The following PDZRN3 variants were observed in gnomAD, a reference collection of about 807,000 sequenced individuals.
PDZRN3 encodes PDZ domain containing ring finger 3.
In PDZRN3, 38 loss-of-function variants were observed where a neutral mutation model predicts 85.7. That is an observed-to-expected ratio of 0.44 (90% CI 0.34 to 0.58). The LOEUF is 0.58. Ranked by LOEUF, PDZRN3 falls within the 20% of genes least tolerant of loss-of-function variation. The pLI is 0.01. For synonymous variants in PDZRN3, 759 were observed against 638.0 expected, an observed-to-expected ratio of 1.19 and a Z score of -2.86; for missense variants, 1,629 against 1,506.4, an observed-to-expected ratio of 1.08 and a Z score of -1.35.
At chr3:73,600,621 G>A (rs1038578729) in intron 3 of PDZRN3, among the ~76,000 whole-genome samples, 5 of 152,040 alleles carry the variant, frequency 3.3e-5, no homozygotes, top group Middle Eastern at 3.4e-3. Context: ...ACCAGAAACC[G>A]TACTCAACAT....
chr3:73,593,028 A>C (rs375818026), intron 3 of PDZRN3, among the ~76,000 whole-genome samples: 1 of 152,026 alleles, frequency 6.6e-6, no homozygotes, highest in East Asian at 1.9e-4. Flanking sequence ...ACACCTTCCA[A>C]ATTGAATAAA....
intron 3 of PDZRN3, among the ~76,000 whole-genome samples, chr3:73,440,519 A>G (rs900857542): frequency 3.3e-5 from 5 of 152,106 alleles, no homozygotes; most frequent in Non-Finnish European, 5.9e-5. Context: ...GGCCTCACGG[A>G]CGCCCCGTGA....
chr3:73,435,486 T>C (rs916551929), intron 3 of PDZRN3, among the ~76,000 whole-genome samples: 3 of 152,320 alleles, frequency 2.0e-5, no homozygotes, highest in Middle Eastern at 3.4e-3. Flanking sequence ...CTCTAAATAA[T>C]AGGTATGATG....
intron 3 of PDZRN3, among the ~76,000 whole-genome samples, chr3:73,437,481 A>AC (rs1241610067): frequency 6.6e-6 from 1 of 152,148 alleles, no homozygotes; most frequent in Non-Finnish European, 1.5e-5. Flanking sequence ...AGTGTGCTGG[A>AC]CCCCCAGGGG....
At chr3:73,500,237 C>A (rs1703951724) in intron 3 of PDZRN3, among the ~76,000 whole-genome samples, 1 of 152,148 alleles carries the variant, frequency 6.6e-6, no homozygotes, top group Non-Finnish European at 1.5e-5. Context: ...TTTGTACAGA[C>A]TGGGTCTCAC....
At chr3:73,573,685 G>A (rs1345834442) in intron 3 of PDZRN3, among the ~76,000 whole-genome samples, 1 of 152,154 alleles carries the variant, frequency 6.6e-6, no homozygotes, top group Non-Finnish European at 1.5e-5. Context: ...GAGCGTCAGA[G>A]ATGGTTTTCA....
intron 3 of PDZRN3, among the ~76,000 whole-genome samples, chr3:73,478,642 G>A (rs770936400): frequency 2.0e-5 from 3 of 152,040 alleles, no homozygotes; most frequent in South Asian, 2.1e-4. Flanking sequence ...CTTCTGCCCC[G>A]CCCAGTCCGT....
At chr3:73,457,372 C>T (rs925945164) in intron 3 of PDZRN3, among the ~76,000 whole-genome samples, 8 of 152,022 alleles carry the variant, frequency 5.3e-5, no homozygotes, top group Admixed American at 1.3e-4. Flanking sequence ...CGTGCCCGGC[C>T]GTACCTTAGC....
intron 3 of PDZRN3, among the ~76,000 whole-genome samples, chr3:73,518,600 T>A (rs545522924): frequency 3.3e-5 from 5 of 152,290 alleles, no homozygotes; most frequent in African/African-American, 1.2e-4. Context: ...TGCTATAACA[T>A]AATACCATAG....
chr3:73,612,170 A>C (rs182541562), intron 1 of PDZRN3, among the ~76,000 whole-genome samples: 1 of 152,310 alleles, frequency 6.6e-6, no homozygotes, highest in East Asian at 1.9e-4. Flanking sequence ...TAAGCCAACA[A>C]ACACACTTGC....
intron 3 of PDZRN3, among the ~76,000 whole-genome samples, chr3:73,521,259 G>C (rs1470745309): frequency 6.6e-6 from 1 of 152,128 alleles, no homozygotes; most frequent in African/African-American, 2.4e-5. Context: ...TTCACGCTCT[G>C]GACATCTTTA....
At chr3:73,586,331 G>A (rs1410874958) in intron 3 of PDZRN3, among the ~76,000 whole-genome samples, 2 of 152,168 alleles carry the variant, frequency 1.3e-5, no homozygotes, top group African/African-American at 4.8e-5. Flanking sequence ...AGTATCAAAT[G>A]TCCCCAAGGC....
intron 3 of PDZRN3, among the ~76,000 whole-genome samples, chr3:73,428,595 G>A (rs372326420): frequency 3.3e-5 from 5 of 152,244 alleles, no homozygotes; most frequent in African/African-American, 1.2e-4. Flanking sequence ...AAGCTAGGAC[G>A]GTGGGTATCA....
At chr3:73,408,949 C>T (rs1248725729) in intron 3 of PDZRN3, among the ~76,000 whole-genome samples, 1 of 152,064 alleles carries the variant, frequency 6.6e-6, no homozygotes, top group Non-Finnish European at 1.5e-5. Flanking sequence ...CACCCAGTGA[C>T]GTTTGGCCCG....
chr3:73,530,832 T>G (rs1311591733), intron 3 of PDZRN3, among the ~76,000 whole-genome samples: 2 of 152,232 alleles, frequency 1.3e-5, no homozygotes, highest in Admixed American at 6.5e-5. Context: ...TTGACAACTC[T>G]TCTGTTACTT....
chr3:73,539,354 A>G (rs1704861613), intron 3 of PDZRN3, among the ~76,000 whole-genome samples: 1 of 152,198 alleles, frequency 6.6e-6, no homozygotes. Context: ...GTTGAAATTG[A>G]GGTTGTAGTG....
intron 3 of PDZRN3, among the ~76,000 whole-genome samples, chr3:73,429,409 C>T (rs1347712159): frequency 1.3e-5 from 2 of 152,290 alleles, no homozygotes; most frequent in Non-Finnish European, 2.9e-5. Context: ...TAATTGGGTC[C>T]ATACTTAATC....
At chr3:73,513,890 T>A (rs139407203) in intron 3 of PDZRN3, among the ~76,000 whole-genome samples, 1 of 152,200 alleles carries the variant, frequency 6.6e-6, no homozygotes, top group Non-Finnish European at 1.5e-5. Flanking sequence ...GATGACAAAA[T>A]AGAAGAATCT....
intron 3 of PDZRN3, among the ~76,000 whole-genome samples, chr3:73,408,592 G>C (rs1169680841): frequency 8.6e-5 from 13 of 151,694 alleles, no homozygotes; most frequent in Non-Finnish European, 2.9e-5. Flanking sequence ...TGGAGGAGGG[G>C]GGGGGGTGCA....
Sources: gnomAD v4.1 joint callset for allele counts (sites outside exome capture counted in the v4.1 genomes callset) on GRCh38, gnomAD v4.1.1 for gene constraint, MANE v1.5 for transcripts, NCBI Gene and HGNC (gene_info 2026-07-23, HGNC 2026-07-21) for gene names.